PTGER3: variants seen among roughly 807,000 people sequenced by gnomAD.
PTGER3 encodes the protein prostaglandin E2 receptor EP3 subtype.
A neutral mutation model predicts 34.7 loss-of-function variants in PTGER3; 22 were observed. That is an observed-to-expected ratio of 0.63 (90% CI 0.45 to 0.91). The LOEUF is 0.91. PTGER3 is among the 40% of genes least tolerant of loss of function. The probability of loss-of-function intolerance (pLI) is 0.00; values close to 1 mark genes in which losing one functional copy is unlikely to be tolerated. For missense variants in PTGER3, 468 were observed against 519.4 expected, an observed-to-expected ratio of 0.90 and a Z score of 0.96; for synonymous variants, 241 against 230.1, an observed-to-expected ratio of 1.05 and a Z score of -0.43.
intron 4 of PTGER3, among the ~76,000 whole-genome samples, chr1:70,897,044 C>T (rs1200240985): frequency 6.6e-6 from 1 of 152,150 alleles, no homozygotes; most frequent in Non-Finnish European, 1.5e-5. Flanking sequence ...CGGTGTTTCT[C>T]AGAAGCTTAG....
intron 4 of PTGER3, among the ~76,000 whole-genome samples, chr1:70,917,740 T>C (rs1647216316): frequency 1.3e-5 from 2 of 152,084 alleles, no homozygotes; most frequent in African/African-American, 4.8e-5. Context: ...ATAATAGCCA[T>C]TCTAACTGGA....
chr1:70,979,553 C>A (rs1234696756), intron 2 of PTGER3, among the ~76,000 whole-genome samples: 2 of 152,086 alleles, frequency 1.3e-5, no homozygotes, highest in Non-Finnish European at 2.9e-5. Flanking sequence ...TGTGAGCCAT[C>A]ATTTCTAGTC....
intron 4 of PTGER3, among the ~76,000 whole-genome samples, chr1:70,913,836 A>T (rs1379159205): frequency 6.6e-6 from 1 of 151,774 alleles, no homozygotes; most frequent in Non-Finnish European, 1.5e-5. Flanking sequence ...CTCAGTCATG[A>T]TTTGTTATGC....
At chr1:71,045,114 C>T (rs1660642856) in intron 1 of PTGER3, among the ~76,000 whole-genome samples, 1 of 152,082 alleles carries the variant, frequency 6.6e-6, no homozygotes, top group Non-Finnish European at 1.5e-5. Context: ...GAACTGTGAC[C>T]ATACAGCGAC....
chr1:70,963,428 C>A (rs1253926145), intron 2 of PTGER3, among the ~76,000 whole-genome samples: 1 of 152,142 alleles, frequency 6.6e-6, no homozygotes, highest in African/African-American at 2.4e-5. Context: ...CCATGAGGGC[C>A]CTGACCCTGT....
intron 2 of PTGER3, chr1:71,008,803 T>C (rs1302146882): frequency 4.3e-5 from 41 of 952,174 alleles, no homozygotes; most frequent in Non-Finnish European, 4.9e-5. Context: ...TGGTTTGTAC[T>C]TGTTATACAG....
Position 70,985,055 on chromosome 1 carries a change from C to T in PTGER3, c.1078-10667G>A, listed in dbSNP as rs956436513. Among the ~76,000 whole-genome samples, 62 of 152,146 alleles carry T rather than the reference C, an allele frequency of 4.1e-4. 1 individual carries two copies. Among genetic ancestry groups the T allele is most frequent in the Non-Finnish European group, 1.8e-4 (12 of 68,030 alleles). ...GCCAACTTCAGCAGCAGGAGGAAAC[C>T]TTTGCAAGGAAGGGCCTTTGCCGAC... On this transcript the variant is annotated intron_variant, in intron 2 of 3. Transcript: ENST00000306666.
At chr1:70,954,198 AG>A (rs1033566802) in intron 2 of PTGER3, among the ~76,000 whole-genome samples, 1 of 152,154 alleles carries the variant, frequency 6.6e-6, no homozygotes, top group African/African-American at 2.4e-5. Flanking sequence ...TTAGTATTTT[AG>A]GCCTTAGGTG....
At chr1:70,918,998 A>C (rs1264786687) in intron 4 of PTGER3, among the ~76,000 whole-genome samples, 1 of 152,084 alleles carries the variant, frequency 6.6e-6, no homozygotes, top group African/African-American at 2.4e-5. Context: ...TAGAGGTTCC[A>C]GTTTGTAGTA....
chr1:70,961,511 A>T (rs117649114), intron 2 of PTGER3, among the ~76,000 whole-genome samples: 1 of 152,236 alleles, frequency 6.6e-6, no homozygotes, highest in East Asian at 1.9e-4. Flanking sequence ...TGGTATCATG[A>T]TGTCATCCAG....
intron 4 of PTGER3, among the ~76,000 whole-genome samples, chr1:70,879,943 A>T (rs944865202): frequency 1.3e-5 from 2 of 152,044 alleles, no homozygotes; most frequent in African/African-American, 4.8e-5. Context: ...AAATATAAAA[A>T]TTAGCTGGGC....
downstream of PTGER3, among the ~76,000 whole-genome samples, chr1:70,969,216 CAAAT>C (rs1421053566): frequency 3.9e-5 from 6 of 151,972 alleles, no homozygotes; most frequent in African/African-American, 7.2e-5. Context: ...TAAAAACAAA[CAAAT>C]AAACAAACAA....
chr1:70,869,410 T>A (rs1279025450), intron 4 of PTGER3: 1 of 382,286 alleles, frequency 2.6e-6, no homozygotes, highest in Non-Finnish European at 5.2e-6. Flanking sequence ...CCCCTAAATC[T>A]CACATCCTTC....
chr1:71,017,257 C>T (rs1657991740), intron 1 of PTGER3, among the ~76,000 whole-genome samples: 1 of 151,986 alleles, frequency 6.6e-6, no homozygotes. Context: ...GAAGAATGGT[C>T]AGAGATACAC....
intron 4 of PTGER3, among the ~76,000 whole-genome samples, chr1:70,903,277 G>T (rs1409161): frequency 6.6e-6 from 1 of 151,954 alleles, no homozygotes; most frequent in Non-Finnish European, 1.5e-5. Flanking sequence ...CTGGTCTCCA[G>T]AACTGGAAGA....
intron 4 of PTGER3, among the ~76,000 whole-genome samples, chr1:70,887,256 A>G (rs1646517782): frequency 6.6e-6 from 1 of 152,186 alleles, no homozygotes; most frequent in South Asian, 2.1e-4. Flanking sequence ...CAAGGGGACT[A>G]AGTGGATAAT....
intron 4 of PTGER3, chr1:70,865,870 C>T (rs373438272): frequency 7.9e-7 from 1 of 1,267,748 alleles, no homozygotes; most frequent in African/African-American, 1.5e-5. Flanking sequence ...ACTAGAGAGG[C>T]AGGAAGACAC....
chr1:70,908,245 A>C (rs1371489513), intron 4 of PTGER3, among the ~76,000 whole-genome samples: 2 of 152,194 alleles, frequency 1.3e-5, no homozygotes, highest in African/African-American at 4.8e-5. Context: ...GACAATAAGC[A>C]TCTGAATGAT....
intron 4 of PTGER3, among the ~76,000 whole-genome samples, chr1:70,861,557 C>T (rs1411299893): frequency 6.6e-6 from 1 of 152,156 alleles, no homozygotes; most frequent in Non-Finnish European, 1.5e-5. Flanking sequence ...GAAACATTCA[C>T]ATTTTACTCC....
Sources: gnomAD v4.1 joint callset for allele counts (sites outside exome capture counted in the v4.1 genomes callset) on GRCh38, gnomAD v4.1.1 for gene constraint, MANE v1.5 for transcripts, NCBI Gene and HGNC (gene_info 2026-07-23, HGNC 2026-07-21) for gene names.